Variants in NKAIN2 observed in about 807,000 individuals in gnomAD.
The protein encoded by NKAIN2 is sodium/potassium transporting ATPase interacting 2, also known as sodium/potassium-transporting ATPase subunit beta-1-interacting protein 2.
Under a neutral mutation model 32.6 loss-of-function variants are expected in NKAIN2, and 14 were observed. That is an observed-to-expected ratio of 0.43 (90% CI 0.28 to 0.67). The LOEUF is 0.67. NKAIN2 is among the 30% of genes least tolerant of loss of function. The pLI, the probability that NKAIN2 is intolerant of heterozygous loss-of-function variation, is 0.17. For missense variants in NKAIN2, 198 were observed against 258.3 expected (o/e 0.77, Z 1.60); for synonymous variants, 80 against 87.2 (o/e 0.92, Z 0.46).
At chr6:123,960,711 A>G (rs895814338) in intron 1 of NKAIN2, among the ~76,000 whole-genome samples, 1 of 151,780 alleles carries the variant, frequency 6.6e-6, no homozygotes, top group Non-Finnish European at 1.5e-5. Flanking sequence ...CCAGCCTTGC[A>G]AGGCAAATGT....
chr6:124,323,867 A>G (rs1797305944), intron 2 of NKAIN2, among the ~76,000 whole-genome samples: 1 of 144,736 alleles, frequency 6.9e-6, no homozygotes, highest in Non-Finnish European at 1.5e-5. Context: ...GGCTCACTGC[A>G]AGCTCCACCT....
At chr6:124,794,174 T>G (rs1344893207) in intron 5 of NKAIN2, among the ~76,000 whole-genome samples, 3 of 152,168 alleles carry the variant, frequency 2.0e-5, no homozygotes, top group Admixed American at 6.6e-5. Context: ...TAGTGGTCAT[T>G]TTGTAGATGT....
chr6:124,276,403 C>G (rs974065258), intron 1 of NKAIN2, among the ~76,000 whole-genome samples: 1 of 151,900 alleles, frequency 6.6e-6, no homozygotes, highest in African/African-American at 2.4e-5. Context: ...GTAACTAAAA[C>G]TCTTTAAGTA....
At chr6:124,245,851 A>G (rs2114791709) in intron 1 of NKAIN2, among the ~76,000 whole-genome samples, 1 of 152,250 alleles carries the variant, frequency 6.6e-6, no homozygotes, top group South Asian at 2.1e-4. Context: ...TGTATGTTAT[A>G]AATTTGTTAT....
intron 1 of NKAIN2, among the ~76,000 whole-genome samples, chr6:123,813,609 C>T (rs1490584423): frequency 6.6e-6 from 1 of 152,132 alleles, no homozygotes. Context: ...GTCAGGAGTT[C>T]GAGACCAGAC....
intron 4 of NKAIN2, among the ~76,000 whole-genome samples, chr6:124,729,211 G>A (rs1776515220): frequency 6.6e-6 from 1 of 151,290 alleles, no homozygotes; most frequent in Non-Finnish European, 1.5e-5. Flanking sequence ...CATTTTATGA[G>A]GCCAGCATCA....
At chr6:124,224,539 T>C (rs1193524196) in intron 1 of NKAIN2, among the ~76,000 whole-genome samples, 1 of 152,022 alleles carries the variant, frequency 6.6e-6, no homozygotes, top group East Asian at 1.9e-4. Flanking sequence ...ATCATCTACT[T>C]GGGAAATACT....
chr6:124,107,116 G>T (rs1582656368), intron 1 of NKAIN2, among the ~76,000 whole-genome samples: 1 of 152,080 alleles, frequency 6.6e-6, no homozygotes, highest in African/African-American at 2.4e-5. Context: ...GATATATGGG[G>T]GAAGAGCAGA....
chr6:124,082,637 TA>T (rs887154362), intron 1 of NKAIN2, among the ~76,000 whole-genome samples: 29 of 148,764 alleles, frequency 1.9e-4, no homozygotes, highest in South Asian at 6.3e-4. Context: ...ATGGCCAATA[TA>T]AAAAAAAAAG....
chr6:124,783,229 A>C (rs1327754463), intron 4 of NKAIN2, among the ~76,000 whole-genome samples: 1 of 152,156 alleles, frequency 6.6e-6, no homozygotes, highest in Non-Finnish European at 1.5e-5. Flanking sequence ...GACTCCTCTG[A>C]ACTAGGATAA....
intron 1 of NKAIN2, among the ~76,000 whole-genome samples, chr6:124,198,902 G>A (rs1405609879): frequency 6.6e-6 from 1 of 152,120 alleles, no homozygotes; most frequent in East Asian, 1.9e-4. Context: ...AATTTATTTT[G>A]TAGGTTATCT....
intron 4 of NKAIN2, among the ~76,000 whole-genome samples, chr6:124,682,912 C>T (rs1002172066): frequency 1.3e-5 from 2 of 152,154 alleles, no homozygotes; most frequent in African/African-American, 2.4e-5. Flanking sequence ...TATCAAACCA[C>T]GTCTGACGAG....
intron 4 of NKAIN2, among the ~76,000 whole-genome samples, chr6:124,726,966 G>T: frequency 6.9e-6 from 1 of 144,292 alleles, no homozygotes; most frequent in Non-Finnish European, 1.5e-5. Context: ...AGCGATGGAA[G>T]ATGAAATGAA....
chr6:124,575,890 A>C (rs1487405118), intron 3 of NKAIN2, among the ~76,000 whole-genome samples: 1 of 152,176 alleles, frequency 6.6e-6, no homozygotes, highest in East Asian at 1.9e-4. Flanking sequence ...TTATAATGTT[A>C]AGATGTGACT....
At chr6:124,177,099 A>G (rs1789194517) in intron 1 of NKAIN2, among the ~76,000 whole-genome samples, 2 of 152,156 alleles carry the variant, frequency 1.3e-5, no homozygotes, top group Admixed American at 1.3e-4. Flanking sequence ...TTAATCTACC[A>G]AATATTTTTT....
rs1389409842 is a variant in NKAIN2, at chr6:124,810,883, G to A, written c.536-7504G>A. Among the ~76,000 whole-genome samples, 9 of 147,808 alleles carry A rather than the reference G, an allele frequency of 6.1e-5. No homozygotes were observed. The South Asian group carries it at 1.3e-3, about 21-fold the overall frequency. On this transcript the variant is annotated intron_variant, in intron 5 of 6. Transcript: ENST00000368417. ...TTCATGCAACAACAGGCTAAAGTACGTCTTCCTATAAAGGATTGCATTTTC... is the reference window on the plus strand; with the variant it reads ...TTCATGCAACAACAGGCTAAAGTACATCTTCCTATAAAGGATTGCATTTTC...
intron 1 of NKAIN2, among the ~76,000 whole-genome samples, chr6:123,934,897 C>T (rs1020463271): frequency 6.6e-6 from 1 of 151,382 alleles, no homozygotes; most frequent in Non-Finnish European, 1.5e-5. Flanking sequence ...TACATTTTTT[C>T]CCTTTCCAAA....
At chr6:123,839,761 T>C (rs1455563410) in intron 1 of NKAIN2, among the ~76,000 whole-genome samples, 1 of 152,176 alleles carries the variant, frequency 6.6e-6, no homozygotes, top group African/African-American at 2.4e-5. Flanking sequence ...CATGGGTATT[T>C]ATCTAGGGAT....
chr6:124,132,446 A>C (rs1367167714), intron 1 of NKAIN2, among the ~76,000 whole-genome samples: 2 of 152,246 alleles, frequency 1.3e-5, no homozygotes, highest in Non-Finnish European at 2.9e-5. Context: ...CCCACTGCTA[A>C]TACCACAGCT....
Sources: gnomAD v4.1 joint callset for allele counts (sites outside exome capture counted in the v4.1 genomes callset) on GRCh38, gnomAD v4.1.1 for gene constraint, MANE v1.5 for transcripts, NCBI Gene and HGNC (gene_info 2026-07-23, HGNC 2026-07-21) for gene names.